Variants in TRAPPC9 observed in about 807,000 individuals in gnomAD.
The protein encoded by TRAPPC9 is trafficking protein particle complex subunit 9, also known as IKK2 binding protein.
Under a neutral mutation model 124.0 loss-of-function variants are expected in TRAPPC9, and 83 were observed. The ratio of observed to expected loss-of-function variants is 0.67; its 90% CI spans 0.56 to 0.80. TRAPPC9 has a LOEUF of 0.80. TRAPPC9 is among the 30% of genes least tolerant of loss of function. The pLI is 0.00. For missense variants in TRAPPC9, 1,302 were observed against 1,508.3 expected (o/e 0.86, Z 2.27); for synonymous variants, 638 against 617.5 (o/e 1.03, Z -0.49).
intron 17 of TRAPPC9, among the ~76,000 whole-genome samples, chr8:140,116,876 T>G (rs35604332): frequency 6.7e-6 from 1 of 149,926 alleles, no homozygotes; most frequent in African/African-American, 2.5e-5. Flanking sequence ...GTTCAGTGAG[T>G]AGGCGGAGTT....
chr8:140,005,102 A>C (rs1308710505), intron 18 of TRAPPC9, among the ~76,000 whole-genome samples: 1 of 152,142 alleles, frequency 6.6e-6, no homozygotes, highest in Admixed American at 6.5e-5. Context: ...TGCTGATGTA[A>C]CCTCACGCTT....
At chr8:139,872,260 GTGGATGGA>G (rs755108818) in intron 21 of TRAPPC9, among the ~76,000 whole-genome samples, 2 of 128,554 alleles carry the variant, frequency 1.6e-5, no homozygotes, top group African/African-American at 5.7e-5. Context: ...GGTTGGATGA[GTGGATGGA>G]TGGATGGATG....
At chr8:140,170,823 T>C (rs941158086) in intron 17 of TRAPPC9, among the ~76,000 whole-genome samples, 5 of 152,332 alleles carry the variant, frequency 3.3e-5, no homozygotes, top group Non-Finnish European at 7.4e-5. Flanking sequence ...GGGGTGAGAA[T>C]GGCCAGGCCT....
rs1055329077 is a variant in TRAPPC9, at chr8:140,350,594, C to T, written c.1495+9456G>A. Reference sequence around the variant, plus strand: ...CACGTTAAGACTGGGAAACGCAAAGCGGCGGGTATGATGCAGAAGAGCCGG... The same window carrying T: ...CACGTTAAGACTGGGAAACGCAAAGTGGCGGGTATGATGCAGAAGAGCCGG... On this transcript the variant is annotated intron_variant, in intron 9 of 22. Transcript: ENST00000438773. Among the ~76,000 whole-genome samples, 8 of 152,044 alleles carry T rather than the reference C, an allele frequency of 5.3e-5. No individual in the cohort carries two copies. In the South Asian group the frequency reaches 1.0e-3, roughly 20 times the overall value.
chr8:140,139,892 T>C (rs961986409), intron 17 of TRAPPC9, among the ~76,000 whole-genome samples: 4 of 152,216 alleles, frequency 2.6e-5, no homozygotes, highest in Non-Finnish European at 5.9e-5. Context: ...TATTTCGTTA[T>C]GCTGTATGTC....
At chr8:140,298,193 C>T (rs2065866734) in intron 11 of TRAPPC9, among the ~76,000 whole-genome samples, 1 of 152,192 alleles carries the variant, frequency 6.6e-6, no homozygotes, top group Non-Finnish European at 1.5e-5. Flanking sequence ...TTGAGTACTC[C>T]TACCCTAGTT....
At chr8:139,749,883 C>T (rs576552248) in intron 21 of TRAPPC9, among the ~76,000 whole-genome samples, 4 of 152,294 alleles carry the variant, frequency 2.6e-5, no homozygotes, top group Non-Finnish European at 2.9e-5. Flanking sequence ...CTTTTAGAAG[C>T]GGGGCCACAG....
chr8:140,313,580 T>C (rs917337080), intron 9 of TRAPPC9, among the ~76,000 whole-genome samples: 1 of 152,178 alleles, frequency 6.6e-6, no homozygotes, highest in Non-Finnish European at 1.5e-5. Flanking sequence ...GGATATAGCC[T>C]GGCTGTGAGC....
At chr8:139,748,586 G>A (rs1004997359) in intron 21 of TRAPPC9, among the ~76,000 whole-genome samples, 2 of 151,920 alleles carry the variant, frequency 1.3e-5, no homozygotes, top group Non-Finnish European at 2.9e-5. Flanking sequence ...CTGGCATGGG[G>A]GGCATGCAGG....
At chr8:140,451,462 G>T in intron 1 of TRAPPC9, 79 bp from the exon 2 acceptor site, 2 of 1,200,610 alleles carry the variant, frequency 1.7e-6, no homozygotes, top group Non-Finnish European at 2.4e-6. Context: ...CAGTGACTGT[G>T]ACCTTCACTA....
chr8:140,303,591 G>A (rs114258396), intron 10 of TRAPPC9, among the ~76,000 whole-genome samples: 3,931 of 152,318 alleles, frequency 0.026, 156 homozygotes, highest in African/African-American at 0.089. Flanking sequence ...ATGAGATCAC[G>A]CTTGGCCACT....
chr8:140,046,416 C>T (rs1039955589), intron 17 of TRAPPC9, among the ~76,000 whole-genome samples: 3 of 152,248 alleles, frequency 2.0e-5, no homozygotes, highest in African/African-American at 7.2e-5. Context: ...GGGGCCTTCG[C>T]CCCAGACTCC....
At chr8:139,739,836 G>T (rs1161930538) in intron 21 of TRAPPC9, among the ~76,000 whole-genome samples, 1 of 152,216 alleles carries the variant, frequency 6.6e-6, no homozygotes, top group Non-Finnish European at 1.5e-5. Context: ...ATTCACCGTG[G>T]TGTCCCCAAT....
intron 15 of TRAPPC9, among the ~76,000 whole-genome samples, chr8:140,272,304 T>C (rs570632064): frequency 6.7e-6 from 1 of 149,762 alleles, no homozygotes; most frequent in African/African-American, 2.5e-5. Flanking sequence ...GTGACAGTGG[T>C]GGTTGTGGTG....
Position 139,730,863 on chromosome 8 carries a change from G to T in TRAPPC9, c.*198C>A. ...CAGTGTAGGAAGGGGCGTGGCATGG[G>T]GTGGGGCTGCCATGTCCGGGGCTTC... On this transcript the variant is annotated 3_prime_UTR_variant, in exon 23 of 23. Coordinates refer to ENST00000438773, the MANE Select transcript of TRAPPC9 (RefSeq NM_001160372.4). The T allele has an allele frequency of 4.8e-6, 3 of 622,020 alleles. No homozygotes were observed. The South Asian group carries it at 5.8e-5, about 12-fold the overall frequency. The allele number at this position is 622,020 out of a possible 1,614,324, so 38.5% of individuals were successfully genotyped here.
intron 17 of TRAPPC9, among the ~76,000 whole-genome samples, chr8:140,146,717 A>G (rs2061468332): frequency 6.6e-6 from 1 of 152,150 alleles, no homozygotes; most frequent in South Asian, 2.1e-4. Context: ...TCATCTTCCT[A>G]TGCCTCTAAT....
intron 19 of TRAPPC9, among the ~76,000 whole-genome samples, chr8:139,982,688 A>C (rs1836991911): frequency 6.6e-6 from 1 of 152,224 alleles, no homozygotes; most frequent in Non-Finnish European, 1.5e-5. Context: ...TGAGTCACTA[A>C]TTTCCAAAGG....
At chr8:140,275,005 A>G (rs1248558268) in intron 15 of TRAPPC9, among the ~76,000 whole-genome samples, 1 of 152,124 alleles carries the variant, frequency 6.6e-6, no homozygotes, top group Non-Finnish European at 1.5e-5. Flanking sequence ...ATTTACACAT[A>G]TTACTCTTGA....
chr8:140,349,485 A>C (rs1297457227), intron 9 of TRAPPC9, among the ~76,000 whole-genome samples: 1 of 151,908 alleles, frequency 6.6e-6, no homozygotes, highest in African/African-American at 2.4e-5. Context: ...CGCGCGAGGG[A>C]AGGCAGACGA....
Sources: gnomAD v4.1 joint callset for allele counts (sites outside exome capture counted in the v4.1 genomes callset) on GRCh38, gnomAD v4.1.1 for gene constraint, MANE v1.5 for transcripts, NCBI Gene and HGNC (gene_info 2026-07-23, HGNC 2026-07-21) for gene names.